Variants in PRELID2 observed in about 807,000 individuals in gnomAD.
PRELID2 encodes PRELI domain-containing protein 2.
Under a neutral mutation model 28.4 loss-of-function variants are expected in PRELID2, and 25 were observed. The observed-to-expected ratio is 0.88, with a 90% CI of 0.64 to 1.23. The LOEUF (loss-of-function observed/expected upper bound fraction) is 1.23, where lower values mean the gene tolerates loss of function less well. Among genes scored for constraint, PRELID2 ranks in the 50% most tolerant of loss-of-function variants. The probability of loss-of-function intolerance (pLI) is 0.00; values close to 1 mark genes in which losing one functional copy is unlikely to be tolerated. For missense variants in PRELID2, 201 were observed against 214.4 expected (o/e 0.94, Z 0.39); for synonymous variants, 76 against 71.6 (o/e 1.06, Z -0.31).
intron 1 of PRELID2, among the ~76,000 whole-genome samples, chr5:145,525,842 A>T (rs1428956441): frequency 6.6e-6 from 1 of 152,222 alleles, no homozygotes; most frequent in Non-Finnish European, 1.5e-5. Context: ...CTGACATTCT[A>T]AAAACTGACT....
chr5:145,556,033 CCAG>C (rs1269362499), intron 1 of PRELID2, among the ~76,000 whole-genome samples: 2 of 151,868 alleles, frequency 1.3e-5, no homozygotes, highest in African/African-American at 4.8e-5. Context: ...AAAAAATTAG[CCAG>C]GTGTGGTGGC....
chr5:145,826,858 A>G (rs1316325179), intron 1 of PRELID2, among the ~76,000 whole-genome samples: 1 of 109,648 alleles, frequency 9.1e-6, no homozygotes, highest in Non-Finnish European at 1.9e-5. Flanking sequence ...TTGCCGAGGG[A>G]AAAAAAAACC....
chr5:145,440,243 T>C, the PRELID2 span, among the ~76,000 whole-genome samples: 1 of 152,108 alleles, frequency 6.6e-6, no homozygotes, highest in Non-Finnish European at 1.5e-5. Flanking sequence ...GGGAGGCTAC[T>C]TCCTGAGAGG....
chr5:145,823,067 G>C lies in PRELID2; in HGVS notation c.133+10C>G, dbSNP rs183646132. ...TGATCATTACTGAAAAAACTGTACA[G>C]AGAACTTACCTCTTTTTTCCTCCAT... On this transcript the variant is annotated intron_variant, in intron 2 of 6. Transcript: ENST00000683046. 4.2e-6 allele frequency: 6 copies of C among 1,440,288 alleles called. No homozygotes were observed. Among genetic ancestry groups the C allele is most frequent in the Non-Finnish European group, 5.9e-6 (6 of 1,022,044 alleles). 89.2% of individuals were successfully genotyped at this position (1,440,288 alleles called of 1,614,324 possible).
At chr5:145,546,328 C>A (rs1323379219) in intron 1 of PRELID2, among the ~76,000 whole-genome samples, 3 of 152,006 alleles carry the variant, frequency 2.0e-5, no homozygotes, top group Non-Finnish European at 4.4e-5. Context: ...AAATAAAATG[C>A]AGTCATCAGA....
chr5:145,508,104 GAAAACAGTC>G (rs529193259), intron 1 of PRELID2, among the ~76,000 whole-genome samples: 155 of 152,210 alleles, frequency 1.0e-3, no homozygotes, highest in African/African-American at 3.5e-3. Flanking sequence ...AATAGTATAA[GAAAACAGTC>G]ACTCTTGTTT....
the PRELID2 span, among the ~76,000 whole-genome samples, chr5:145,299,346 A>ATGTGATCTC: frequency 1.3e-5 from 2 of 152,142 alleles, no homozygotes; most frequent in Admixed American, 1.3e-4. Flanking sequence ...GATCCAGAAT[A>ATGTGATCTC]AAAATAAGAT....
chr5:145,700,917 C>T (rs1458097714), intron 1 of PRELID2, among the ~76,000 whole-genome samples: 1 of 152,178 alleles, frequency 6.6e-6, no homozygotes, highest in Non-Finnish European at 1.5e-5. Context: ...GGCTGCCCAT[C>T]TCAGGCCAGC....
chr5:145,313,402 G>C, the PRELID2 span, among the ~76,000 whole-genome samples: 2 of 152,200 alleles, frequency 1.3e-5, no homozygotes, highest in African/African-American at 4.8e-5. Context: ...CTCATTTGCA[G>C]GTTTATTCTT....
At chr5:145,414,113 G>C in the PRELID2 span, among the ~76,000 whole-genome samples, 1 of 152,038 alleles carries the variant, frequency 6.6e-6, no homozygotes, top group African/African-American at 2.4e-5. Flanking sequence ...TCAGGATATG[G>C]GAACTCTCTT....
At chr5:145,600,434 A>AAAAAATATATATATATAT (rs1315631607) in intron 1 of PRELID2, among the ~76,000 whole-genome samples, 1 of 120,098 alleles carries the variant, frequency 8.3e-6, no homozygotes, top group African/African-American at 4.1e-5. Context: ...AAAAAAAAAA[A>AAAAAATATATATATATAT]ATATATATAT....
chr5:145,479,300 G>A (rs1269107264), intron 1 of PRELID2, among the ~76,000 whole-genome samples: 1 of 152,116 alleles, frequency 6.6e-6, no homozygotes, highest in East Asian at 1.9e-4. Context: ...CATAGTTATT[G>A]GCTTCTGTGT....
At chr5:145,233,978 T>C in the PRELID2 span, among the ~76,000 whole-genome samples, 1 of 152,174 alleles carries the variant, frequency 6.6e-6, no homozygotes, top group African/African-American at 2.4e-5. Context: ...AGTCTTTGCA[T>C]TTACGTTTAT....
At chr5:145,636,444 C>T (rs571414083) in intron 1 of PRELID2, among the ~76,000 whole-genome samples, 1 of 152,306 alleles carries the variant, frequency 6.6e-6, no homozygotes. Flanking sequence ...ACAAAGAGAG[C>T]CCCAGGCACA....
intron 5 of PRELID2, among the ~76,000 whole-genome samples, chr5:145,790,470 G>A (rs2149808466): frequency 6.6e-6 from 1 of 152,156 alleles, no homozygotes; most frequent in South Asian, 2.1e-4. Flanking sequence ...GTTATCTGAG[G>A]CTGGGGGAGG....
the PRELID2 span, among the ~76,000 whole-genome samples, chr5:145,347,812 T>C: frequency 6.6e-6 from 1 of 152,100 alleles, no homozygotes; most frequent in Admixed American, 6.6e-5. Context: ...TTGGCATATA[T>C]TGAAACTCTC....
chr5:145,330,783 C>T, the PRELID2 span, among the ~76,000 whole-genome samples: 1 of 152,112 alleles, frequency 6.6e-6, no homozygotes, highest in Non-Finnish European at 1.5e-5. Context: ...TTCAGTTCTG[C>T]TCCAATCTTA....
chr5:145,390,303 A>G, the PRELID2 span, among the ~76,000 whole-genome samples: 2 of 152,220 alleles, frequency 1.3e-5, no homozygotes, highest in Non-Finnish European at 2.9e-5. Flanking sequence ...TCTAATAAAT[A>G]TATACCAGAG....
intron 1 of PRELID2, among the ~76,000 whole-genome samples, chr5:145,692,585 C>G (rs1226171744): frequency 6.6e-6 from 1 of 152,036 alleles, no homozygotes; most frequent in Non-Finnish European, 1.5e-5. Context: ...AATTTTGCAC[C>G]ATAAACACTT....
Sources: allele counts gnomAD v4.1 joint callset (sites outside exome capture counted in the v4.1 genomes callset), GRCh38; gene constraint gnomAD v4.1.1; transcripts MANE v1.5; gene names NCBI Gene and HGNC (gene_info 2026-07-23, HGNC 2026-07-21).